The following SKAP1 variants were observed in gnomAD, a reference collection of about 807,000 sequenced individuals.
The protein encoded by SKAP1 is src kinase-associated phosphoprotein 1.
In SKAP1, 44 loss-of-function variants were observed where a neutral mutation model predicts 58.5. The observed-to-expected ratio is 0.75, with a 90% CI of 0.59 to 0.97. The LOEUF (loss-of-function observed/expected upper bound fraction) is 0.97, where lower values mean the gene tolerates loss of function less well. Ranked by LOEUF, SKAP1 falls within the 50% of genes least tolerant of loss-of-function variation. The probability of loss-of-function intolerance (pLI) is 0.00; values close to 1 mark genes in which losing one functional copy is unlikely to be tolerated. For synonymous variants in SKAP1, 127 were observed against 149.7 expected (o/e 0.85, Z 1.11); for missense variants, 390 against 435.2 (o/e 0.90, Z 0.92).
chr17:48,416,615 A>T (rs1489090920), intron 1 of SKAP1, among the ~76,000 whole-genome samples: 1 of 152,244 alleles, frequency 6.6e-6, no homozygotes, highest in African/African-American at 2.4e-5. Context: ...TCCACCTTGG[A>T]AACAGTAGAA....
At chr17:48,330,761 T>C (rs1033481713) in intron 4 of SKAP1, among the ~76,000 whole-genome samples, 3 of 152,094 alleles carry the variant, frequency 2.0e-5, no homozygotes, top group South Asian at 4.2e-4. Context: ...TAAAATATCT[T>C]TGGGGGTGTG....
rs2064068642 is a variant in SKAP1 at position 48,161,495 on chromosome 17, C to G, written c.978+974G>C. On this transcript the variant is annotated intron_variant, in intron 11 of 12. Transcript: ENST00000336915. ...TCTTTACCAACATGATGCTACTGAT[C>G]CCCCAAACTGTAGCCCATGAGTTCT... Among the ~76,000 whole-genome samples, 4 of 152,318 alleles carry G rather than the reference C, an allele frequency of 2.6e-5. 1 individual carries two copies. In the South Asian group the frequency reaches 8.3e-4, roughly 32 times the overall value.
Position 48,335,370 on chromosome 17 carries a change from CT to C in SKAP1, c.280+10534del, listed in dbSNP as rs2066554656. Reference sequence around the variant, plus strand: ...GCCATCTAAGACACATTAATAGCAACTTTTCATTGATTCTTGTCTAGAGATC... The same window carrying C: ...GCCATCTAAGACACATTAATAGCAACTTTCATTGATTCTTGTCTAGAGATC... On this transcript the variant is annotated intron_variant, in intron 4 of 12. Transcript: ENST00000336915. Among the ~76,000 whole-genome samples, 3 of 151,972 alleles carry C rather than the reference CT, an allele frequency of 2.0e-5. No individual in the cohort carries two copies. In the South Asian group the frequency reaches 6.2e-4, roughly 31 times the overall value.
chr17:48,153,579 G>A (rs1408416189), intron 11 of SKAP1, among the ~76,000 whole-genome samples: 1 of 152,066 alleles, frequency 6.6e-6, no homozygotes, highest in African/African-American at 2.4e-5. Flanking sequence ...ATGGGGTGGT[G>A]GGGACAGCTT....
intron 3 of SKAP1, among the ~76,000 whole-genome samples, chr17:48,361,240 G>T (rs1252269273): frequency 2.8e-5 from 4 of 145,032 alleles, no homozygotes; most frequent in Admixed American, 1.4e-4. Context: ...AGTTTTGCTC[G>T]TGTTGCCCAG....
chr17:48,303,738 T>C (rs1362667148), intron 4 of SKAP1, among the ~76,000 whole-genome samples: 2 of 152,206 alleles, frequency 1.3e-5, no homozygotes, highest in Non-Finnish European at 2.9e-5. Flanking sequence ...CCAATGGGTA[T>C]TTCCAAGATG....
chr17:48,436,689 A>C, the SKAP1 span, among the ~76,000 whole-genome samples: 1 of 151,708 alleles, frequency 6.6e-6, no homozygotes. Context: ...TACCTCCTCC[A>C]ACTCTCATCC....
intron 4 of SKAP1, among the ~76,000 whole-genome samples, chr17:48,339,320 A>C (rs900746984): frequency 1.3e-5 from 2 of 152,222 alleles, no homozygotes; most frequent in African/African-American, 4.8e-5. Context: ...GTATGTATGC[A>C]TATATGTTTA....
intron 4 of SKAP1, among the ~76,000 whole-genome samples, chr17:48,281,482 C>G (rs982521405): frequency 6.6e-6 from 1 of 152,218 alleles, no homozygotes; most frequent in Admixed American, 6.5e-5. Context: ...ACATCAAATG[C>G]TGCTCATTTA....
At chr17:48,372,940 T>C (rs2067104737) in intron 2 of SKAP1, among the ~76,000 whole-genome samples, 1 of 152,198 alleles carries the variant, frequency 6.6e-6, no homozygotes, top group African/African-American at 2.4e-5. Context: ...TGAGCCACTA[T>C]GCCCAGCCCA....
In SKAP1 at chr17:48,298,910, A is replaced by C. The variant is rs564729726; in HGVS notation, c.280+46995T>G. On this transcript the variant is annotated intron_variant, in intron 4 of 12. Transcript: ENST00000336915. ...ACAGTGGATTTTTGTAAAGATAAAAAATTGTGATCTGATAAAAATGTTTAA... is the reference window on the plus strand; with the variant it reads ...ACAGTGGATTTTTGTAAAGATAAAACATTGTGATCTGATAAAAATGTTTAA... Among the ~76,000 whole-genome samples, 158 of 152,320 alleles carry C rather than the reference A, an allele frequency of 1.0e-3. No individual in the cohort carries two copies. The Middle Eastern group carries it at 0.014, about 13-fold the overall frequency.
Position 48,155,695 on chromosome 17 carries a change from A to G in SKAP1, c.978+6774T>C, listed in dbSNP as rs866110498. Among the ~76,000 whole-genome samples the G allele has an allele frequency of 2.0e-4, 30 of 152,056 alleles. 1 individual carries two copies. The highest frequency in any genetic ancestry group is 1.3e-4 in the Admixed American group (2 of 15,280). On this transcript the variant is annotated intron_variant, in intron 11 of 12. Transcript: ENST00000336915. The stretch of plus-strand genomic sequence containing the variant: ...AATATGGCAAAATCCCGTCTCTACT[A>G]AAAATACAAAAATTAGCTGGGTGCC...
At chr17:48,422,269 A>C (rs2067803525) in intron 1 of SKAP1, among the ~76,000 whole-genome samples, 1 of 152,160 alleles carries the variant, frequency 6.6e-6, no homozygotes, top group Non-Finnish European at 1.5e-5. Context: ...ATGGGCCACC[A>C]ATATAAGCAA....
At chr17:48,421,319 A>T (rs1598685256) in intron 1 of SKAP1, among the ~76,000 whole-genome samples, 4 of 134,414 alleles carry the variant, frequency 3.0e-5, no homozygotes, top group East Asian at 2.1e-4. Flanking sequence ...TTTTTTTTTT[A>T]AAGACGAATT....
chr17:48,380,965 C>T (rs1306525273), intron 2 of SKAP1, among the ~76,000 whole-genome samples: 1 of 152,152 alleles, frequency 6.6e-6, no homozygotes, highest in East Asian at 1.9e-4. Context: ...GTGGTTAGGG[C>T]ACCAAATTGT....
intron 4 of SKAP1, among the ~76,000 whole-genome samples, chr17:48,259,398 C>A (rs59566870): frequency 6.6e-6 from 1 of 152,132 alleles, no homozygotes; most frequent in African/African-American, 2.4e-5. Context: ...TATGAAATTA[C>A]AAATACACAC....
intron 2 of SKAP1, among the ~76,000 whole-genome samples, chr17:48,394,632 C>A (rs1472642178): frequency 6.6e-6 from 1 of 152,154 alleles, no homozygotes; most frequent in Non-Finnish European, 1.5e-5. Context: ...TAAGCCACTG[C>A]GTTTAGCCTG....
chr17:48,210,397 G>A (rs577888121), intron 4 of SKAP1, among the ~76,000 whole-genome samples: 2 of 152,286 alleles, frequency 1.3e-5, no homozygotes, highest in Non-Finnish European at 2.9e-5. Flanking sequence ...GAGTAGTTCT[G>A]ATGCTCACCT....
intron 2 of SKAP1, among the ~76,000 whole-genome samples, chr17:48,372,463 T>C (rs1011051575): frequency 6.6e-6 from 1 of 151,704 alleles, no homozygotes; most frequent in Non-Finnish European, 1.5e-5. Context: ...TGTGCCACCA[T>C]GCCCGGCTAA....
Sources: allele counts gnomAD v4.1 joint callset (sites outside exome capture counted in the v4.1 genomes callset), GRCh38; gene constraint gnomAD v4.1.1; transcripts MANE v1.5; gene names NCBI Gene and HGNC (gene_info 2026-07-23, HGNC 2026-07-21).